The following HNRNPM variants were observed in gnomAD, a reference collection of about 807,000 sequenced individuals.
HNRNPM encodes the protein CEA receptor.
HNRNPM carries 11 observed loss-of-function variants against 73.1 expected under a neutral mutation model. The ratio of observed to expected loss-of-function variants is 0.15; its 90% CI spans 0.09 to 0.25. The LOEUF is 0.25. Among genes scored for constraint, HNRNPM ranks in the 10% least tolerant of loss-of-function variants. HNRNPM has a pLI of 1.00. For synonymous variants in HNRNPM, 407 were observed against 355.2 expected (o/e 1.15, Z -1.64); for missense variants, 789 against 1,067.9 (o/e 0.74, Z 3.64).
At chr19:8,454,032 C>G (rs189014208) in intron 1 of HNRNPM, among the ~76,000 whole-genome samples, 2 of 152,316 alleles carry the variant, frequency 1.3e-5, no homozygotes, top group Non-Finnish European at 2.9e-5. Context: ...TTCCCAGCTT[C>G]AAAGTAGTAG....
At chr19:8,488,664 TC>T (rs1971492699) in intron 15 of HNRNPM, 26 bp from the exon 16 acceptor site, 1 of 1,595,324 alleles carries the variant, frequency 6.3e-7, no homozygotes, top group African/African-American at 1.3e-5. Flanking sequence ...GGACTGAGTG[TC>T]GTCTCTTCTT....
At chr19:8,446,576 A>G (rs1478887087) in intron 1 of HNRNPM, among the ~76,000 whole-genome samples, 1 of 152,022 alleles carries the variant, frequency 6.6e-6, no homozygotes, top group Non-Finnish European at 1.5e-5. Flanking sequence ...ATGCCCGGCT[A>G]ATTTTTTGAA....
At chr19:8,479,078 C>CTTTTTTTTTTTTTTTTTTTTTT (rs74176651) in intron 12 of HNRNPM, among the ~76,000 whole-genome samples, 6 of 73,840 alleles carry the variant, frequency 8.1e-5, no homozygotes, top group Non-Finnish European at 1.0e-4. Context: ...TTCTTTCTTT[C>CTTTTTTTTTTTTTTTTTTTTTT]TTTTTTTTTT....
At position 8,485,688 on chromosome 19, in the gene HNRNPM, C is replaced by T. The variant is rs76937953; in HGVS notation, c.1260C>T (p.Gly420=). The change falls in exon 14 of 16, where the codon GGC becomes GGT. Residue 420 remains glycine, a synonymous_variant. Transcript: ENST00000325495. ...GGGGTGCCGGCATGGAGCGCATGGG[C>T]GCGGGCCTGGGCCACGGCATGGATC... ...RLGGAGMERM[G]AGLGHGMDRV... 5.7e-4 allele frequency: 910 copies of T among 1,607,682 alleles called. 6 individuals are homozygous for T. The African/African-American group carries it at 0.01, about 18-fold the overall frequency.
chr19:8,463,350 C>G lies in HNRNPM; in HGVS notation c.337-147C>G, dbSNP rs1599779859. 3 of 870,330 alleles carry G rather than the reference C, an allele frequency of 3.4e-6. No homozygotes were observed. In the East Asian group the frequency reaches 7.4e-5, roughly 22 times the overall value. The allele number at this position is 870,330 out of a possible 1,614,324, so 53.9% of individuals were successfully genotyped here. A position where few individuals can be genotyped will look rare whatever the true frequency, so the allele number is the denominator to read the frequency against. On this transcript the variant is annotated intron_variant, in intron 3 of 15. Transcript: ENST00000325495. Reference sequence around the variant, plus strand: ...GAGGCGAGGCACTTCTGTCAGCTTCCCCTTAGAAGGGTTCATTTTAAAAGA... The same window carrying G: ...GAGGCGAGGCACTTCTGTCAGCTTCGCCTTAGAAGGGTTCATTTTAAAAGA...
At chr19:8,488,665 C>A in intron 15 of HNRNPM, 26 bp from the exon 16 acceptor site, 1 of 1,595,176 alleles carries the variant, frequency 6.3e-7, no homozygotes, top group Non-Finnish European at 8.6e-7. Context: ...GACTGAGTGT[C>A]GTCTCTTCTT....
rs778586401 is a variant in HNRNPM, at chr19:8,486,145, G to A, written c.1717G>A (p.Ala573Thr). ...LERMGLERMG[A>T]NSLERMGLER... ...GCGGATGGGCCTGGAGCGCATGGGC[G>A]CCAACAGCCTCGAGCGCATGGGCCT... Residue 573 changes from alanine to threonine, a missense_variant, in exon 14 of 16, where the codon GCC becomes ACC. Ala to Thr is a moderately conservative substitution (Grantham distance 58). Around this residue, in one of 4 missense-constraint regions of HNRNPM, gnomAD observed 604 missense variants for 744.0 expected, o/e 0.81. Transcript: ENST00000325495. 33 of 1,605,600 alleles carry A rather than the reference G, an allele frequency of 2.1e-5. No individual in the cohort carries two copies. The highest frequency in any genetic ancestry group is 2.5e-5 in the Non-Finnish European group (29 of 1,178,912).
chr19:8,460,387 G>T (rs772644047), intron 2 of HNRNPM, among the ~76,000 whole-genome samples: 2 of 152,190 alleles, frequency 1.3e-5, no homozygotes, highest in African/African-American at 4.8e-5. Context: ...TTGTGAGGAG[G>T]ATGGGCATTA....
At chr19:8,467,705 A>G (rs1298278495) in intron 8 of HNRNPM, 121 bp downstream of exon 8, 1 of 780,110 alleles carries the variant, frequency 1.3e-6, no homozygotes, top group Non-Finnish European at 2.3e-6. Context: ...AATAGGGTGC[A>G]GTATGTTGAG....
chr19:8,482,984 G>A, intron 12 of HNRNPM, 174 bp from the exon 13 acceptor site: 1 of 574,648 alleles, frequency 1.7e-6, no homozygotes, highest in Non-Finnish European at 3.1e-6. Context: ...CCAGCATCAA[G>A]GACTCTCCTA....
chr19:8,457,056 A>G (rs970764957), intron 2 of HNRNPM, among the ~76,000 whole-genome samples: 1 of 152,216 alleles, frequency 6.6e-6, no homozygotes, highest in Non-Finnish European at 1.5e-5. Flanking sequence ...GATTTGGTTG[A>G]ACCGCTGAAT....
At position 8,486,390 on chromosome 19, in the gene HNRNPM, G is replaced by T. The variant is rs766155058; in HGVS notation, c.1962G>T (p.Gln654His). ...HAPGVARKAC[Q>H]IFVRNLPFDF... ...CTGGGGTGGCCAGGAAGGCCTGCCA[G>T]ATATTTGTGAGAAATGTAAGTGGCT... Residue 654 changes from glutamine (Q) to histidine (H), a missense_variant, in exon 14 of 16, where the codon CAG becomes CAT. Gln to His is a conservative substitution (Grantham distance 24). This residue lies in a region of HNRNPM where 604 missense variants were observed against 744.0 expected (regional missense o/e 0.81). Coordinates refer to ENST00000325495, the MANE Select transcript of HNRNPM (RefSeq NM_005968.5). 6.4e-7 allele frequency: 1 copy of T among 1,567,480 alleles called. No individual in the cohort carries two copies. Among genetic ancestry groups the T allele is most frequent in the South Asian group, 1.1e-5 (1 of 88,652 alleles).
At chr19:8,484,918 G>C (rs1371855392) in intron 13 of HNRNPM, among the ~76,000 whole-genome samples, 1 of 152,062 alleles carries the variant, frequency 6.6e-6, no homozygotes. Context: ...AGCCCACTCT[G>C]CAGTGCCATC....
At chr19:8,450,891 G>A (rs191469772) in intron 1 of HNRNPM, among the ~76,000 whole-genome samples, 224 of 148,276 alleles carry the variant, frequency 1.5e-3, no homozygotes, top group Non-Finnish European at 2.7e-3. Flanking sequence ...CACCATGCCC[G>A]GCTAATTTTT....
At chr19:8,479,148 C>T (rs1220182824) in intron 12 of HNRNPM, among the ~76,000 whole-genome samples, 3 of 124,420 alleles carry the variant, frequency 2.4e-5, no homozygotes, top group South Asian at 2.7e-4. Context: ...TGCAATGGTG[C>T]GATCTCAGCT....
At chr19:8,484,551 C>T (rs1002895319) in intron 13 of HNRNPM, among the ~76,000 whole-genome samples, 2 of 152,252 alleles carry the variant, frequency 1.3e-5, no homozygotes, top group African/African-American at 2.4e-5. Context: ...AGTTCTGAGA[C>T]GTCTCCCCTC....
At chr19:8,455,165 T>G (rs10420411) in intron 1 of HNRNPM, among the ~76,000 whole-genome samples, 132,272 of 151,686 alleles carry the variant, frequency 0.87, 59,798 homozygotes, top group South Asian at 0.99. Context: ...TTTTGTTGTT[T>G]TGACAGGGTC....
At position 8,473,459 on chromosome 19, in the gene HNRNPM, T is replaced by A. The variant is rs1005166020; in HGVS notation, c.998-205T>A. Among the ~76,000 whole-genome samples the A allele has an allele frequency of 2.8e-5, 4 of 144,210 alleles. No individual in the cohort carries two copies. In the East Asian group the frequency reaches 6.0e-4, roughly 21 times the overall value. 94.6% of individuals were successfully genotyped at this position (144,210 alleles called of 152,430 possible). A position where few individuals can be genotyped will look rare whatever the true frequency, so the allele number is the denominator to read the frequency against. ...CTGGGTGACAGAGCAATACTGTGTTTAAAAAAAAAAAAAATAGCTATATGA... is the reference window on the plus strand; with the variant it reads ...CTGGGTGACAGAGCAATACTGTGTTAAAAAAAAAAAAAAATAGCTATATGA... On this transcript the variant is annotated intron_variant, in intron 10 of 15. Transcript: ENST00000325495.
chr19:8,473,522 C>A, intron 10 of HNRNPM, 142 bp from the exon 11 acceptor site: 2 of 600,564 alleles, frequency 3.3e-6, no homozygotes, highest in African/African-American at 2.0e-5. Flanking sequence ...TTTTTTCTTG[C>A]TGATTAAAAT....
Sources: gnomAD v4.1 joint callset for allele counts (sites outside exome capture counted in the v4.1 genomes callset) on GRCh38, gnomAD v4.1.1 for gene constraint, gnomAD v4.1.1 regional missense constraint, MANE v1.5 for transcripts, NCBI Gene and HGNC (gene_info 2026-07-23, HGNC 2026-07-21) for gene names.